Variants in PHKB observed in about 807,000 individuals in gnomAD.
PHKB encodes phosphorylase b kinase regulatory subunit beta.
A neutral mutation model predicts 152.1 loss-of-function variants in PHKB; 122 were observed. The observed-to-expected ratio is 0.80, with a 90% CI of 0.69 to 0.93. The LOEUF is 0.93. Ranked by LOEUF, PHKB falls within the 40% of genes least tolerant of loss-of-function variation. PHKB has a pLI of 0.00. For missense variants in PHKB, 1,304 were observed against 1,328.4 expected, an observed-to-expected ratio of 0.98 and a Z score of 0.29; for synonymous variants, 436 against 464.9, an observed-to-expected ratio of 0.94 and a Z score of 0.80.
At chr16:47,683,182 G>C (rs903767117) in intron 26 of PHKB, among the ~76,000 whole-genome samples, 1 of 152,204 alleles carries the variant, frequency 6.6e-6, no homozygotes, top group Admixed American at 6.5e-5. Context: ...CTACTGGGGG[G>C]TGCCTCCCAG....
At chr16:47,536,032 A>G (rs930005923) in intron 6 of PHKB, among the ~76,000 whole-genome samples, 2 of 152,154 alleles carry the variant, frequency 1.3e-5, no homozygotes, top group African/African-American at 4.8e-5. Flanking sequence ...GAATACCCTG[A>G]CCATGGAAAT....
At chr16:47,665,363 A>C (rs1973520360) in intron 25 of PHKB, 1 of 229,560 alleles carries the variant, frequency 4.4e-6, no homozygotes, top group Non-Finnish European at 8.6e-6. Context: ...CCTAGGTTCT[A>C]AGACTTTTTC....
At chr16:47,544,859 G>A (rs1971130366) in intron 6 of PHKB, among the ~76,000 whole-genome samples, 1 of 152,104 alleles carries the variant, frequency 6.6e-6, no homozygotes, top group African/African-American at 2.4e-5. Flanking sequence ...GGCCTTCTTT[G>A]TCTCTTTTGA....
intron 12 of PHKB, among the ~76,000 whole-genome samples, chr16:47,594,794 A>C (rs887694058): frequency 2.6e-5 from 4 of 152,190 alleles, no homozygotes; most frequent in African/African-American, 9.7e-5. Context: ...AACATAGCTG[A>C]ATTTTCTGTA....
chr16:47,677,187 A>T (rs1021621295), intron 26 of PHKB, among the ~76,000 whole-genome samples: 1 of 152,176 alleles, frequency 6.6e-6, no homozygotes, highest in African/African-American at 2.4e-5. Context: ...TGAGGTAAGG[A>T]GGTGAGATGA....
chr16:47,589,185 C>A, intron 10 of PHKB, 83 bp downstream of exon 10: 1 of 989,320 alleles, frequency 1.0e-6, no homozygotes. Context: ...GGTTTGAATT[C>A]TGGCTCTGCT....
At chr16:47,558,288 C>G (rs906946033) in intron 7 of PHKB, among the ~76,000 whole-genome samples, 1 of 150,956 alleles carries the variant, frequency 6.6e-6, no homozygotes, top group African/African-American at 2.4e-5. Flanking sequence ...TGCTAAATGA[C>G]GAGTTAATGG....
intron 20 of PHKB, among the ~76,000 whole-genome samples, chr16:47,657,670 A>G (rs555325772): frequency 4.6e-5 from 7 of 152,260 alleles, no homozygotes; most frequent in Admixed American, 1.3e-4. Context: ...GCATTTGTCT[A>G]TTAACTCAGA....
chr16:47,562,577 T>C (rs1971494720), intron 7 of PHKB: 1 of 152,218 alleles, frequency 6.6e-6, no homozygotes, highest in African/African-American at 2.4e-5. Context: ...TAGTTAAAAA[T>C]ACATTATTGC....
At chr16:47,588,280 A>C (rs559530079) in intron 9 of PHKB, among the ~76,000 whole-genome samples, 1 of 151,464 alleles carries the variant, frequency 6.6e-6, no homozygotes, top group Non-Finnish European at 1.5e-5. Flanking sequence ...CAACTCTTTT[A>C]TGTAAGTAAT....
chr16:47,592,160 C>G (rs189283275), intron 10 of PHKB, among the ~76,000 whole-genome samples: 1 of 152,294 alleles, frequency 6.6e-6, no homozygotes, highest in East Asian at 1.9e-4. Context: ...GTCATCTTTT[C>G]TCTTTGGATT....
chr16:47,565,792 C>G (rs1297717357), intron 7 of PHKB: 5 of 1,488,402 alleles, frequency 3.4e-6, no homozygotes, highest in Non-Finnish European at 4.7e-6. Context: ...ACTTCTCTTT[C>G]TCTAGCAGCT....
chr16:47,632,726 G>C (rs1018609344), intron 14 of PHKB, among the ~76,000 whole-genome samples: 3 of 152,082 alleles, frequency 2.0e-5, no homozygotes, highest in African/African-American at 7.2e-5. Flanking sequence ...AAAGAGCAAG[G>C]AAAAGAAACA....
At chr16:47,557,429 C>T (rs1156965072) in intron 7 of PHKB, among the ~76,000 whole-genome samples, 1 of 152,248 alleles carries the variant, frequency 6.6e-6, no homozygotes, top group South Asian at 2.1e-4. Context: ...AAGAAACTAC[C>T]ACCAGAGTGA....
At chr16:47,483,556 T>C (rs1337438887) in intron 1 of PHKB, among the ~76,000 whole-genome samples, 1 of 152,228 alleles carries the variant, frequency 6.6e-6, no homozygotes, top group East Asian at 1.9e-4. Context: ...CTCTATAAAG[T>C]GATCCACTTG....
rs767840761 is a variant in PHKB, at chr16:47,497,486, T to C, written c.164T>C (p.Ile55Thr). Residue 55 changes from isoleucine to threonine, a missense_variant and splice_region_variant, in exon 2 of 31, where the codon ATT becomes ACT. Physicochemically the swap from Ile to Thr is moderately conservative, Grantham distance 89 (BLOSUM62 -1). Transcript: ENST00000323584. ...LWDKLDHYYR[I>T]VKSTLLLYQS... The stretch of plus-strand genomic sequence containing the variant: ...GATAAGTTGGACCATTATTACAGAA[T>C]TGGTGAGTAAAACCTGAGGAAAACG... 1.7e-5 allele frequency: 27 copies of C among 1,587,588 alleles called. No individual in the cohort carries two copies. Among genetic ancestry groups the C allele is most frequent in the Non-Finnish European group, 2.2e-5 (26 of 1,158,028 alleles).
At chr16:47,494,207 T>G (rs1299160061) in intron 1 of PHKB, among the ~76,000 whole-genome samples, 3 of 152,180 alleles carry the variant, frequency 2.0e-5, no homozygotes, top group Non-Finnish European at 2.9e-5. Flanking sequence ...AATGTTAACC[T>G]TAAATAACTA....
chr16:47,543,469 T>C (rs1460574231), intron 6 of PHKB, among the ~76,000 whole-genome samples: 1 of 152,154 alleles, frequency 6.6e-6, no homozygotes, highest in Non-Finnish European at 1.5e-5. Context: ...TCTCTTTTTT[T>C]TCTTGTGTCT....
At chr16:47,465,692 T>A (rs538594256) in intron 1 of PHKB, among the ~76,000 whole-genome samples, 3 of 152,372 alleles carry the variant, frequency 2.0e-5, no homozygotes, top group African/African-American at 7.2e-5. Context: ...GGCTTAACTT[T>A]GCATTGTGTT....
Sources: gnomAD v4.1 joint callset for allele counts (sites outside exome capture counted in the v4.1 genomes callset) on GRCh38, gnomAD v4.1.1 for gene constraint, MANE v1.5 for transcripts, NCBI Gene and HGNC (gene_info 2026-07-23, HGNC 2026-07-21) for gene names.